Variants in ANO3 observed in about 807,000 individuals in gnomAD.
The protein encoded by ANO3 is anoctamin 3.
In ANO3, 99 loss-of-function variants were observed where a neutral mutation model predicts 144.8. The ratio of observed to expected loss-of-function variants is 0.68; its 90% CI spans 0.58 to 0.81. The LOEUF (loss-of-function observed/expected upper bound fraction) is 0.81. Among genes scored for constraint, ANO3 ranks in the 30% least tolerant of loss-of-function variants. The pLI, the probability that ANO3 is intolerant of heterozygous loss-of-function variation, is 0.00. For synonymous variants in ANO3, 414 were observed against 392.6 expected (o/e 1.05, Z -0.64); for missense variants, 905 against 1,202.2 (o/e 0.75, Z 3.66).
chr11:26,334,309 G>C (rs936556296), intron 1 of ANO3, among the ~76,000 whole-genome samples: 19 of 152,218 alleles, frequency 1.2e-4, no homozygotes, highest in African/African-American at 4.6e-4. Context: ...TCTTAATCCT[G>C]CATGGGCATT....
At chr11:26,364,573 A>G (rs532409229) in intron 1 of ANO3, among the ~76,000 whole-genome samples, 1 of 152,358 alleles carries the variant, frequency 6.6e-6, no homozygotes, top group African/African-American at 2.4e-5. Flanking sequence ...GCTTTCAATC[A>G]TAACAGAAGG....
intron 1 of ANO3, among the ~76,000 whole-genome samples, chr11:26,439,899 T>G (rs1858451754): frequency 6.6e-6 from 1 of 152,224 alleles, no homozygotes; most frequent in Admixed American, 6.5e-5. Context: ...CTTCTATAAT[T>G]TAAAACCTTT....
At chr11:26,199,608 G>T (rs1423542959) in intron 1 of ANO3, among the ~76,000 whole-genome samples, 12 of 152,126 alleles carry the variant, frequency 7.9e-5, no homozygotes, top group African/African-American at 2.4e-4. Context: ...TGAGAAACTG[G>T]CTATGGAAGT....
At chr11:26,410,579 C>A (rs1372315399) in intron 1 of ANO3, among the ~76,000 whole-genome samples, 1 of 152,002 alleles carries the variant, frequency 6.6e-6, no homozygotes, top group Non-Finnish European at 1.5e-5. Flanking sequence ...GTAGAAACAT[C>A]TTTAGTTTAA....
At chr11:26,279,963 T>G (rs1436429535) in intron 1 of ANO3, among the ~76,000 whole-genome samples, 1 of 152,194 alleles carries the variant, frequency 6.6e-6, no homozygotes, top group Non-Finnish European at 1.5e-5. Context: ...CATTTCCAGA[T>G]TTCTCGAAAA....
At chr11:26,641,837 A>T (rs1853162688) in intron 21 of ANO3, 59 bp from the exon 22 acceptor site, 1 of 1,524,508 alleles carries the variant, frequency 6.6e-7, no homozygotes, top group Non-Finnish European at 8.8e-7. Context: ...TTCACTATAC[A>T]TTGTTAACCA....
chr11:26,431,250 G>A (rs553837727), intron 1 of ANO3, among the ~76,000 whole-genome samples: 2 of 152,148 alleles, frequency 1.3e-5, no homozygotes, highest in Non-Finnish European at 2.9e-5. Flanking sequence ...GAACCATGTA[G>A]AACTTTGAAG....
intron 1 of ANO3, among the ~76,000 whole-genome samples, chr11:26,424,738 A>G (rs577783018): frequency 6.6e-6 from 1 of 152,178 alleles, no homozygotes; most frequent in South Asian, 2.1e-4. Flanking sequence ...TTGACATAAA[A>G]ACTTACTAGG....
chr11:26,460,863 A>G (rs1376677760), intron 3 of ANO3, among the ~76,000 whole-genome samples: 2 of 152,080 alleles, frequency 1.3e-5, no homozygotes, highest in Non-Finnish European at 2.9e-5. Context: ...CATTAAATTC[A>G]TATTTAGATA....
intron 14 of ANO3, among the ~76,000 whole-genome samples, chr11:26,590,743 C>T (rs1415990036): frequency 2.0e-5 from 3 of 152,306 alleles, no homozygotes; most frequent in East Asian, 3.9e-4. Context: ...AAGGGCGCCT[C>T]GCTGGATCAG....
chr11:26,414,526 T>A (rs1279958382), intron 1 of ANO3, among the ~76,000 whole-genome samples: 1 of 150,216 alleles, frequency 6.7e-6, no homozygotes, highest in East Asian at 2.0e-4. Context: ...CACTTATAAG[T>A]GGGAGTTGAA....
chr11:26,235,025 A>AGAGAGAGAGAGAGAGAGAG (rs1554926833), intron 1 of ANO3, among the ~76,000 whole-genome samples: 1 of 150,732 alleles, frequency 6.6e-6, no homozygotes, highest in African/African-American at 2.4e-5. Context: ...AGAGAGAGAG[A>AGAGAGAGAGAGAGAGAGAG]TGAGGGGAGA....
intron 3 of ANO3, among the ~76,000 whole-genome samples, chr11:26,454,580 A>G (rs1043174872): frequency 3.9e-5 from 6 of 152,098 alleles, no homozygotes; most frequent in African/African-American, 1.4e-4. Flanking sequence ...TTGTGGCAAT[A>G]ATCAATAGCT....
chr11:26,290,696 C>T (rs1481331732), intron 1 of ANO3, among the ~76,000 whole-genome samples: 1 of 152,180 alleles, frequency 6.6e-6, no homozygotes, highest in African/African-American at 2.4e-5. Flanking sequence ...GCAGGTTGTT[C>T]AGTTTCCAGG....
At chr11:26,255,038 T>G (rs1033613283) in intron 1 of ANO3, among the ~76,000 whole-genome samples, 6 of 152,160 alleles carry the variant, frequency 3.9e-5, no homozygotes, top group African/African-American at 1.4e-4. Flanking sequence ...TTCAGTTGTT[T>G]CTCTGTAACC....
intron 1 of ANO3, among the ~76,000 whole-genome samples, chr11:26,241,344 G>T (rs1293653376): frequency 6.6e-6 from 1 of 152,124 alleles, no homozygotes; most frequent in Non-Finnish European, 1.5e-5. Context: ...GACAACTCTG[G>T]ATTTAGACAG....
chr11:26,209,441 C>T lies in ANO3; in HGVS notation c.154+20111C>T, dbSNP rs549357040. On this transcript the variant is annotated intron_variant, in intron 1 of 27. Transcript: ENST00000672621. ...CAAGTCTTTGCTATTGTGAACAGTGCTGCAATAAACATATGTGTGCATGTG... is the reference window on the plus strand; with the variant it reads ...CAAGTCTTTGCTATTGTGAACAGTGTTGCAATAAACATATGTGTGCATGTG... Among the ~76,000 whole-genome samples, 6 of 152,266 alleles carry T rather than the reference C, an allele frequency of 3.9e-5. No homozygotes were observed. The East Asian group carries it at 9.6e-4, about 24-fold the overall frequency.
At chr11:26,550,411 C>T (rs1027109213) in intron 12 of ANO3, among the ~76,000 whole-genome samples, 2 of 151,810 alleles carry the variant, frequency 1.3e-5, no homozygotes, top group African/African-American at 4.8e-5. Context: ...ACTTTTTATC[C>T]GTTTTACCCT....
intron 1 of ANO3, among the ~76,000 whole-genome samples, chr11:26,323,911 C>G (rs1049768918): frequency 4.6e-4 from 70 of 152,172 alleles, no homozygotes; most frequent in African/African-American, 1.7e-3. Flanking sequence ...CTGTGATACT[C>G]TTGAAAACCA....
Sources: gnomAD v4.1 joint callset for allele counts (sites outside exome capture counted in the v4.1 genomes callset) on GRCh38, gnomAD v4.1.1 for gene constraint, MANE v1.5 for transcripts, NCBI Gene and HGNC (gene_info 2026-07-23, HGNC 2026-07-21) for gene names.